The following TMEM9 variants were observed in gnomAD, a reference collection of about 807,000 sequenced individuals.
The protein encoded by TMEM9 is proton-transporting V-type ATPase complex assembly regulator TMEM9.
TMEM9 carries 13 observed loss-of-function variants against 22.8 expected under a neutral mutation model. The ratio of observed to expected loss-of-function variants is 0.57; its 90% CI spans 0.37 to 0.91. The LOEUF (loss-of-function observed/expected upper bound fraction) is 0.91. TMEM9 is among the 40% of genes least tolerant of loss of function. The pLI is 0.01. For synonymous variants in TMEM9, 88 were observed against 93.0 expected, an observed-to-expected ratio of 0.95 and a Z score of 0.31; for missense variants, 182 against 238.1, an observed-to-expected ratio of 0.76 and a Z score of 1.55.
intron 1 of TMEM9, among the ~76,000 whole-genome samples, chr1:201,168,254 T>G (rs1413460204): frequency 6.6e-6 from 1 of 152,206 alleles, no homozygotes; most frequent in African/African-American, 2.4e-5. Context: ...TGCATTCATC[T>G]CTCTGGGGTA....
At chr1:201,143,046 GGGAAGAC>G (rs760495377) in intron 4 of TMEM9, among the ~76,000 whole-genome samples, 20 of 152,204 alleles carry the variant, frequency 1.3e-4, no homozygotes, top group Non-Finnish European at 2.5e-4. Flanking sequence ...GAGGATGAAT[GGGAAGAC>G]GGTGACAGCG....
At chr1:201,162,060 T>C (rs768075512) in intron 1 of TMEM9, among the ~76,000 whole-genome samples, 10 of 152,230 alleles carry the variant, frequency 6.6e-5, no homozygotes, top group Non-Finnish European at 1.2e-4. Context: ...ATCTACTACA[T>C]GCCAGGAACC....
intron 1 of TMEM9, among the ~76,000 whole-genome samples, chr1:201,170,471 A>T (rs1413031582): frequency 6.6e-6 from 1 of 152,154 alleles, no homozygotes; most frequent in Non-Finnish European, 1.5e-5. Context: ...TGAAAAATGC[A>T]CTCATCTGGA....
At chr1:201,136,961 G>A (rs992850153) in intron 4 of TMEM9, among the ~76,000 whole-genome samples, 1 of 152,252 alleles carries the variant, frequency 6.6e-6, no homozygotes, top group Non-Finnish European at 1.5e-5. Flanking sequence ...GGTGAGGTGA[G>A]GGTAGGGTGG....
At chr1:201,156,035 C>T (rs1282818767), upstream of TMEM9, among the ~76,000 whole-genome samples, 3 of 152,066 alleles carry the variant, frequency 2.0e-5, no homozygotes, top group Non-Finnish European at 4.4e-5. Context: ...TTCTTCCCCC[C>T]ATATACGTTC....
chr1:201,164,558 T>C (rs908482625), intron 1 of TMEM9, among the ~76,000 whole-genome samples: 14 of 152,240 alleles, frequency 9.2e-5, no homozygotes, highest in African/African-American at 3.4e-4. Flanking sequence ...TGGTTTCATA[T>C]GGTTCAACCT....
At position 201,154,037 on chromosome 1, in the gene TMEM9, G is replaced by A. The variant is rs375553821; in HGVS notation, c.-114C>T. 6 of 1,286,150 alleles carry A rather than the reference G, an allele frequency of 4.7e-6. No individual in the cohort carries two copies. The African/African-American group carries it at 6.0e-5, about 13-fold the overall frequency. The allele number at this position is 1,286,150 out of a possible 1,614,324, so 79.7% of individuals were successfully genotyped here. A position where few individuals can be genotyped will look rare whatever the true frequency, so the allele number is the denominator to read the frequency against. ...AGCACGCTAGGCCCTTAACCATCCG[G>A]CCAAGTGGGAATGGGGTTGGGGGCT... On this transcript the variant is annotated 5_prime_UTR_variant, in exon 1 of 5. Coordinates refer to ENST00000367330, the MANE Select transcript of TMEM9 (RefSeq NM_001288565.2).
At chr1:201,163,546 C>T (rs1025717510) in intron 1 of TMEM9, among the ~76,000 whole-genome samples, 5 of 151,788 alleles carry the variant, frequency 3.3e-5, no homozygotes, top group Admixed American at 1.3e-4. Flanking sequence ...GCCAAGATCA[C>T]GCCACTGCAC....
rs765106505 is a variant in TMEM9 at position 201,146,721 on chromosome 1, C to G, written c.267+19G>C. 2 of 1,612,716 alleles carry G rather than the reference C, an allele frequency of 1.2e-6. No individual in the cohort carries two copies. The highest frequency in any genetic ancestry group is 1.7e-5 in the Admixed American group (1 of 60,008). The stretch of plus-strand genomic sequence containing the variant: ...TGGCGTGTGGGAATCCCACTGGCTT[C>G]CTGAGACCCTGGCGTTACCTTGATG... On this transcript the variant is annotated intron_variant, in intron 3 of 4. Coordinates refer to ENST00000367330, the MANE Select transcript of TMEM9 (RefSeq NM_001288565.2).
intron 4 of TMEM9, among the ~76,000 whole-genome samples, chr1:201,140,037 C>T (rs1487488644): frequency 6.6e-6 from 1 of 152,210 alleles, no homozygotes; most frequent in East Asian, 1.9e-4. Context: ...TGTCAGCTTC[C>T]CAGGGCTGGG....
At chr1:201,153,550 T>A (rs921528229) in intron 1 of TMEM9, among the ~76,000 whole-genome samples, 1 of 152,174 alleles carries the variant, frequency 6.6e-6, no homozygotes, top group Non-Finnish European at 1.5e-5. Context: ...CATACTTTGG[T>A]CCAAAGCAAA....
At chr1:201,163,847 C>T (rs886776615) in intron 1 of TMEM9, among the ~76,000 whole-genome samples, 5 of 152,158 alleles carry the variant, frequency 3.3e-5, no homozygotes, top group African/African-American at 1.2e-4. Flanking sequence ...CCTGGAACTA[C>T]CACACGACTC....
Position 201,135,454 on chromosome 1 carries a change from A to C in TMEM9, c.*209T>G, listed in dbSNP as rs1272551399. 3 of 478,652 alleles carry C rather than the reference A, an allele frequency of 6.3e-6. No homozygotes were observed. The highest frequency in any genetic ancestry group is 1.1e-5 in the Non-Finnish European group (3 of 281,280). 29.7% of individuals were successfully genotyped at this position (478,652 alleles called of 1,614,324 possible). The stretch of plus-strand genomic sequence containing the variant: ...TCCCTTCAACCCCAAAGACCCAAGA[A>C]GACAACAGAGATCAGAGACCACATC... On this transcript the variant is annotated 3_prime_UTR_variant, in exon 5 of 5. Coordinates refer to ENST00000367330, the MANE Select transcript of TMEM9 (RefSeq NM_001288565.2).
chr1:201,144,691 C>CATTTAGCATCCATGGTCCCTGT (rs1664817253), intron 3 of TMEM9: 1 of 152,170 alleles, frequency 6.6e-6, no homozygotes, highest in Non-Finnish European at 1.5e-5. Flanking sequence ...TTGGGTGGGA[C>CATTTAGCATCCATGGTCCCTGT]ATTTAGCATC....
chr1:201,144,252 A>C (rs748942121), intron 3 of TMEM9: 1 of 293,100 alleles, frequency 3.4e-6, no homozygotes, highest in East Asian at 7.0e-5. Context: ...CCCGGGGTAG[A>C]GATGGGAACA....
chr1:201,154,667 T>A (rs1487751708), upstream of TMEM9, among the ~76,000 whole-genome samples: 2 of 152,098 alleles, frequency 1.3e-5, no homozygotes, highest in African/African-American at 2.4e-5. Flanking sequence ...TGGGGAAGGG[T>A]CTTGCCTTTG....
chr1:201,144,158 T>C, intron 3 of TMEM9: 1 of 541,612 alleles, frequency 1.8e-6, no homozygotes, highest in South Asian at 2.1e-5. Context: ...CACTCTGTCC[T>C]AACTTGAGGG....
At chr1:201,146,436 T>C (rs1318180689) in intron 3 of TMEM9, among the ~76,000 whole-genome samples, 1 of 152,066 alleles carries the variant, frequency 6.6e-6, no homozygotes, top group African/African-American at 2.4e-5. Context: ...ACTGGATGAA[T>C]AGAAGAAGGG....
intron 2 of TMEM9, 55 bp downstream of exon 2, chr1:201,151,706 A>C: frequency 2.2e-6 from 3 of 1,346,344 alleles, no homozygotes; most frequent in Non-Finnish European, 3.2e-6. Context: ...ACTCTAGTAA[A>C]CACCCATAAC....
Sources: gnomAD v4.1 joint callset for allele counts (sites outside exome capture counted in the v4.1 genomes callset) on GRCh38, gnomAD v4.1.1 for gene constraint, MANE v1.5 for transcripts, NCBI Gene and HGNC (gene_info 2026-07-23, HGNC 2026-07-21) for gene names.